PHF21B: variants seen among roughly 807,000 people sequenced by gnomAD.
PHF21B encodes PHD finger protein 4.
PHF21B carries 22 observed loss-of-function variants against 62.2 expected under a neutral mutation model. That is an observed-to-expected ratio of 0.35 (90% CI 0.25 to 0.51). The LOEUF (loss-of-function observed/expected upper bound fraction) is 0.51. PHF21B is among the 20% of genes least tolerant of loss of function. PHF21B has a pLI of 0.97. For missense variants in PHF21B, 701 were observed against 707.9 expected (o/e 0.99, Z 0.11); for synonymous variants, 341 against 314.7 (o/e 1.08, Z -0.88).
chr22:44,947,435 G>C (rs1002653433), intron 2 of PHF21B, among the ~76,000 whole-genome samples: 1 of 152,206 alleles, frequency 6.6e-6, no homozygotes, highest in South Asian at 2.1e-4. Flanking sequence ...CCTGGCCAGC[G>C]CCAGGGCCCA....
intron 5 of PHF21B, among the ~76,000 whole-genome samples, chr22:44,900,222 T>C (rs1049743628): frequency 1.3e-5 from 2 of 152,212 alleles, no homozygotes; most frequent in Non-Finnish European, 2.9e-5. Context: ...ACCCCAGTGC[T>C]GGTACCAAAG....
intron 2 of PHF21B, chr22:44,989,604 C>CTTTTTTTT (rs386395581): frequency 1.5e-5 from 1 of 64,536 alleles, no homozygotes; most frequent in Non-Finnish European, 2.7e-5. Context: ...CACAACTCGA[C>CTTTTTTTT]TTTTTTTTTT....
At chr22:44,957,306 C>T (rs541522107) in intron 2 of PHF21B, among the ~76,000 whole-genome samples, 3 of 152,316 alleles carry the variant, frequency 2.0e-5, no homozygotes, top group Admixed American at 6.5e-5. Context: ...AAAGTTGTTT[C>T]GGTTTTTTCC....
At chr22:44,932,303 G>A (rs1267042936) in intron 2 of PHF21B, among the ~76,000 whole-genome samples, 1 of 152,186 alleles carries the variant, frequency 6.6e-6, no homozygotes, top group African/African-American at 2.4e-5. Context: ...GAGGTAAGAG[G>A]AAAAACACAA....
chr22:45,009,196 A>C lies in PHF21B; in HGVS notation c.54+300T>G, dbSNP rs2073381190. 1 of 406,792 alleles carries C rather than the reference A, an allele frequency of 2.5e-6. No homozygotes were observed. Among genetic ancestry groups the C allele is most frequent in the Non-Finnish European group, 4.1e-6 (1 of 244,400 alleles). The allele number at this position is 406,792 out of a possible 1,614,324, so 25.2% of individuals were successfully genotyped here. A position where few individuals can be genotyped will look rare whatever the true frequency, so the allele number is the denominator to read the frequency against. ...TCCCCTCCCCGGGACCGGCTCACGAAGGGGCCCCCTCCAGGCACCCTCCCA... is the reference window on the plus strand; with the variant it reads ...TCCCCTCCCCGGGACCGGCTCACGACGGGGCCCCCTCCAGGCACCCTCCCA... On this transcript the variant is annotated intron_variant, in intron 1 of 12. Coordinates refer to ENST00000313237, the MANE Select transcript of PHF21B (RefSeq NM_138415.5). The surrounding 1 kb of genome is among the most constrained non-coding windows in gnomAD (Gnocchi z 5.9).
chr22:44,969,807 C>T (rs955019129), intron 2 of PHF21B, among the ~76,000 whole-genome samples: 2 of 152,170 alleles, frequency 1.3e-5, no homozygotes, highest in African/African-American at 4.8e-5. Flanking sequence ...TGATCCTTGC[C>T]ACTATTCTAT....
At chr22:44,993,550 A>G (rs1162312709) in intron 2 of PHF21B, among the ~76,000 whole-genome samples, 1 of 152,252 alleles carries the variant, frequency 6.6e-6, no homozygotes, top group Non-Finnish European at 1.5e-5. Context: ...AACCGCTCCC[A>G]CACACGGCAA....
chr22:44,997,257 G>T (rs2073138761), intron 2 of PHF21B, among the ~76,000 whole-genome samples: 1 of 152,140 alleles, frequency 6.6e-6, no homozygotes, highest in South Asian at 2.1e-4. Flanking sequence ...GCAGCCACAG[G>T]TGGCTCCTGG....
chr22:45,005,318 G>A (rs1452979203), intron 2 of PHF21B, among the ~76,000 whole-genome samples: 4 of 152,054 alleles, frequency 2.6e-5, no homozygotes. Context: ...GCTGGCCTGG[G>A]CCTGGCCACA....
intron 2 of PHF21B, among the ~76,000 whole-genome samples, chr22:44,997,825 C>T (rs2073147557): frequency 6.6e-6 from 1 of 152,196 alleles, no homozygotes; most frequent in Admixed American, 6.5e-5. Context: ...CAGCTTCACC[C>T]AGGGGCGGCC....
intron 5 of PHF21B, among the ~76,000 whole-genome samples, chr22:44,899,510 C>T (rs1305216433): frequency 2.0e-5 from 3 of 151,854 alleles, no homozygotes; most frequent in East Asian, 1.9e-4. Flanking sequence ...AGGCTGGTCT[C>T]GAACTCTTGA....
chr22:44,938,633 A>G (rs1316845821), intron 2 of PHF21B, among the ~76,000 whole-genome samples: 2 of 152,214 alleles, frequency 1.3e-5, no homozygotes, highest in South Asian at 2.1e-4. Flanking sequence ...GCACAGACCT[A>G]TGCCCTCTCA....
intron 2 of PHF21B, among the ~76,000 whole-genome samples, chr22:44,950,354 G>C (rs114686257): frequency 0.023 from 3,439 of 152,264 alleles, 129 homozygotes; most frequent in African/African-American, 0.077. Context: ...TCTAGTTATG[G>C]TGCTAGCCAA....
At chr22:44,904,464 T>C (rs1439859542) in intron 5 of PHF21B, among the ~76,000 whole-genome samples, 1 of 152,202 alleles carries the variant, frequency 6.6e-6, no homozygotes, top group Non-Finnish European at 1.5e-5. Flanking sequence ...ATGTGTAAAA[T>C]GTCTTTCTTT....
At chr22:44,883,609 C>CT (rs1381833955) in intron 12 of PHF21B, among the ~76,000 whole-genome samples, 9 of 152,266 alleles carry the variant, frequency 5.9e-5, no homozygotes, top group East Asian at 3.9e-4. Context: ...CCTCCTCCTG[C>CT]TGGCCAAACT....
At chr22:44,987,342 A>G (rs185702656) in intron 2 of PHF21B, among the ~76,000 whole-genome samples, 4 of 152,284 alleles carry the variant, frequency 2.6e-5, no homozygotes, top group Admixed American at 6.5e-5. Context: ...GGGGAGACCA[A>G]TGTTTCTGAA....
At chr22:45,007,700 T>A (rs1310772768) in intron 2 of PHF21B, among the ~76,000 whole-genome samples, 1 of 28,992 alleles carries the variant, frequency 3.4e-5, no homozygotes, top group African/African-American at 8.7e-5. Context: ...GGGGCGGGTG[T>A]GCGAGCGCGG....
At chr22:44,940,887 C>T (rs1301988879) in intron 2 of PHF21B, among the ~76,000 whole-genome samples, 2 of 152,156 alleles carry the variant, frequency 1.3e-5, no homozygotes, top group East Asian at 3.8e-4. Flanking sequence ...GCATCCAAAG[C>T]TTGGGGTGGG....
At chr22:44,987,176 G>A (rs1368606021) in intron 2 of PHF21B, among the ~76,000 whole-genome samples, 4 of 152,186 alleles carry the variant, frequency 2.6e-5, no homozygotes, top group African/African-American at 7.2e-5. Flanking sequence ...GACCAGTCAG[G>A]GGGCTGCTGT....
Sources: gnomAD v4.1 joint callset for allele counts (sites outside exome capture counted in the v4.1 genomes callset) on GRCh38, gnomAD v4.1.1 for gene constraint, Gnocchi (gnomAD v3.1) non-coding constraint, MANE v1.5 for transcripts, NCBI Gene and HGNC (gene_info 2026-07-23, HGNC 2026-07-21) for gene names.